The following MAGI2 variants were observed in gnomAD, a reference collection of about 807,000 sequenced individuals.
MAGI2 encodes membrane-associated guanylate kinase, WW and PDZ domain-containing protein 2.
A neutral mutation model predicts 133.3 loss-of-function variants in MAGI2; 35 were observed. That is an observed-to-expected ratio of 0.26 (90% CI 0.20 to 0.35). MAGI2 has a LOEUF of 0.35. Among genes scored for constraint, MAGI2 ranks in the 10% least tolerant of loss-of-function variants. The pLI, the probability that MAGI2 is intolerant of heterozygous loss-of-function variation, is 1.00. For synonymous variants in MAGI2, 729 were observed against 710.6 expected, an observed-to-expected ratio of 1.03 and a Z score of -0.41; for missense variants, 1,636 against 1,863.4, an observed-to-expected ratio of 0.88 and a Z score of 2.25.
chr7:79,224,428 T>C (rs1830683352), intron 1 of MAGI2, among the ~76,000 whole-genome samples: 1 of 152,054 alleles, frequency 6.6e-6, no homozygotes, highest in Non-Finnish European at 1.5e-5. Flanking sequence ...TTCACACTTC[T>C]GCCAACTTTG....
intron 2 of MAGI2, among the ~76,000 whole-genome samples, chr7:78,834,333 C>A (rs1374616977): frequency 6.6e-6 from 1 of 152,140 alleles, no homozygotes; most frequent in East Asian, 1.9e-4. Context: ...AGAAACCCCA[C>A]ATTTCTTAGC....
At chr7:78,108,910 C>T (rs1390076239) in intron 20 of MAGI2, among the ~76,000 whole-genome samples, 5 of 151,304 alleles carry the variant, frequency 3.3e-5, no homozygotes, top group African/African-American at 1.2e-4. Flanking sequence ...ATATATACAT[C>T]GTGTGTGTCC....
At chr7:79,117,302 G>A (rs549793268) in intron 1 of MAGI2, among the ~76,000 whole-genome samples, 12 of 152,124 alleles carry the variant, frequency 7.9e-5, no homozygotes, top group Admixed American at 2.6e-4. Flanking sequence ...ATTAGAGTCA[G>A]ACCAAAACTT....
chr7:78,868,230 A>G (rs1246664709), intron 2 of MAGI2, among the ~76,000 whole-genome samples: 1 of 152,262 alleles, frequency 6.6e-6, no homozygotes, highest in Admixed American at 6.5e-5. Context: ...CAATAGTCAA[A>G]AACAAACTTA....
chr7:78,811,049 CAATT>C (rs938643167), intron 2 of MAGI2, among the ~76,000 whole-genome samples: 12 of 151,868 alleles, frequency 7.9e-5, no homozygotes, highest in Non-Finnish European at 8.8e-5. Context: ...TCCTTGCTAT[CAATT>C]AATGAGCTGA....
chr7:79,172,779 G>T (rs1438223056), intron 1 of MAGI2, among the ~76,000 whole-genome samples: 3 of 151,992 alleles, frequency 2.0e-5, no homozygotes, highest in African/African-American at 7.2e-5. Context: ...ATAATCTCTG[G>T]TAGTTCACCT....
At chr7:78,246,106 A>AAAAT (rs2150923170) in intron 10 of MAGI2, among the ~76,000 whole-genome samples, 1 of 152,192 alleles carries the variant, frequency 6.6e-6, no homozygotes, top group Admixed American at 6.5e-5. Context: ...ATCAGGGCCC[A>AAAAT]AAATAAAGCT....
chr7:78,423,026 T>G (rs1173807022), intron 6 of MAGI2, among the ~76,000 whole-genome samples: 1 of 152,206 alleles, frequency 6.6e-6, no homozygotes, highest in Non-Finnish European at 1.5e-5. Flanking sequence ...CAAAATAAAT[T>G]AAAAGAAACA....
chr7:79,358,790 A>G (rs767215076), intron 1 of MAGI2, among the ~76,000 whole-genome samples: 2 of 152,172 alleles, frequency 1.3e-5, no homozygotes, highest in African/African-American at 4.8e-5. Flanking sequence ...AGTGGCACTA[A>G]CAAACCAAGT....
chr7:78,406,865 C>T (rs1797426753), intron 6 of MAGI2, among the ~76,000 whole-genome samples: 1 of 152,006 alleles, frequency 6.6e-6, no homozygotes, highest in Non-Finnish European at 1.5e-5. Flanking sequence ...TACTACATAG[C>T]TTCCTAAATT....
chr7:78,573,452 G>A (rs917064498), intron 3 of MAGI2, among the ~76,000 whole-genome samples: 1 of 115,890 alleles, frequency 8.6e-6, no homozygotes, highest in East Asian at 2.7e-4. Flanking sequence ...GGGTCATATG[G>A]CCCAAGTGGC....
At chr7:78,882,447 A>G (rs1642892) in intron 2 of MAGI2, among the ~76,000 whole-genome samples, 141,498 of 152,068 alleles carry the variant, frequency 0.93, 66,551 homozygotes, top group Non-Finnish European at 1. Flanking sequence ...ACACAGAAAA[A>G]CTGGTACCAA....
At chr7:78,288,031 T>C (rs2151030951) in intron 9 of MAGI2, among the ~76,000 whole-genome samples, 1 of 152,326 alleles carries the variant, frequency 6.6e-6, no homozygotes, top group South Asian at 2.1e-4. Context: ...AATACTATCA[T>C]CTTCCTTTCC....
At chr7:78,250,409 ATT>A (rs1378832021) in intron 10 of MAGI2, among the ~76,000 whole-genome samples, 2 of 152,106 alleles carry the variant, frequency 1.3e-5, no homozygotes, top group Non-Finnish European at 2.9e-5. Flanking sequence ...TTGGAGTGAA[ATT>A]TATAGTTTTA....
chr7:78,245,072 A>G (rs798353), intron 10 of MAGI2, among the ~76,000 whole-genome samples: 87,511 of 152,052 alleles, frequency 0.58, 25,516 homozygotes, highest in East Asian at 0.76. Context: ...TGCAAATAAG[A>G]AAGGAGGAGG....
intron 3 of MAGI2, among the ~76,000 whole-genome samples, chr7:78,555,811 T>C (rs1799773588): frequency 6.6e-6 from 1 of 152,208 alleles, no homozygotes; most frequent in African/African-American, 2.4e-5. Flanking sequence ...CCCAAAGATG[T>C]GTTTATCTAA....
intron 2 of MAGI2, among the ~76,000 whole-genome samples, chr7:78,763,960 G>A (rs191661100): frequency 6.6e-6 from 1 of 152,236 alleles, no homozygotes; most frequent in East Asian, 1.9e-4. Context: ...TCTCAACAGA[G>A]AACCTTCAAG....
chr7:78,214,216 C>T (rs566848493), intron 10 of MAGI2, among the ~76,000 whole-genome samples: 9 of 152,282 alleles, frequency 5.9e-5, no homozygotes, highest in East Asian at 3.9e-4. Context: ...TTTGAGCGGC[C>T]GTGCCCATTT....
chr7:78,386,706 T>A (rs570515165), intron 6 of MAGI2, among the ~76,000 whole-genome samples: 1 of 152,290 alleles, frequency 6.6e-6, no homozygotes, highest in South Asian at 2.1e-4. Flanking sequence ...TATATCATAT[T>A]GAGCAGTGAC....
Sources: allele counts gnomAD v4.1 joint callset (sites outside exome capture counted in the v4.1 genomes callset), GRCh38; gene constraint gnomAD v4.1.1; transcripts MANE v1.5; gene names NCBI Gene and HGNC (gene_info 2026-07-23, HGNC 2026-07-21).